The following BRIP1 variants were observed in gnomAD, a reference collection of about 807,000 sequenced individuals.
BRIP1 encodes BRCA1 interacting DNA helicase 1, also known as Fanconi anemia group J protein.
A neutral mutation model predicts 119.7 loss-of-function variants in BRIP1; 88 were observed. That is an observed-to-expected ratio of 0.74 (90% CI 0.62 to 0.88). The LOEUF is 0.88. Ranked by LOEUF, BRIP1 falls within the 40% of genes least tolerant of loss-of-function variation. The pLI is 0.00. For missense variants in BRIP1, 1,259 were observed against 1,455.4 expected (o/e 0.87, Z 2.20); for synonymous variants, 443 against 496.5 (o/e 0.89, Z 1.43).
Position 61,783,367 on chromosome 17 carries a change from T to C in BRIP1, c.1628+903A>G, listed in dbSNP as rs189601709. On this transcript the variant is annotated intron_variant, in intron 11 of 19. Coordinates refer to ENST00000259008, the MANE Select transcript of BRIP1 (RefSeq NM_032043.3). ...TAGAAAGGACTTCATAAGATGAAAA[T>C]AGAATACAGGTTAGCAGGTGATGAG... is the stretch of plus-strand genomic sequence containing the variant. Among the ~76,000 whole-genome samples, 263 of 152,122 alleles carry C rather than the reference T, an allele frequency of 1.7e-3. 4 individuals are homozygous for C. Among genetic ancestry groups the C allele is most frequent in the Admixed American group, 0.016 (250 of 15,274 alleles).
rs2078007194 is a variant in BRIP1 at position 61,802,245 on chromosome 17, T to C, written c.919-771A>G. Among the ~76,000 whole-genome samples the C allele has an allele frequency of 6.6e-6, 1 of 152,102 alleles. No individual in the cohort carries two copies. The highest frequency in any genetic ancestry group is 6.6e-5 in the Admixed American group (1 of 15,252). The stretch of plus-strand genomic sequence containing the variant: ...GGAGGCTTAGGCAAAAGGACTGTTT[T>C]AGGTGAGGAGTTTGATACCAGCCTG... On this transcript the variant is annotated intron_variant, in intron 7 of 19. Transcript: ENST00000259008. This position sits in a 1 kb window ranked among gnomAD's most constrained non-coding sequence, Gnocchi z 6.0.
At chr17:61,811,760 T>G (rs2078165484) in intron 6 of BRIP1, among the ~76,000 whole-genome samples, 1 of 151,524 alleles carries the variant, frequency 6.6e-6, no homozygotes, top group Non-Finnish European at 1.5e-5. Flanking sequence ...AAGACTAGCC[T>G]GGCCAACATG....
In BRIP1 at chr17:61,760,842, A is replaced by G. The variant is rs1205569009; in HGVS notation, c.2097+15559T>C. On this transcript the variant is annotated intron_variant, in intron 14 of 19. Coordinates refer to ENST00000259008, the MANE Select transcript of BRIP1 (RefSeq NM_032043.3). This position sits in a 1 kb window ranked among gnomAD's most constrained non-coding sequence, Gnocchi z 4.6. ...CCTAACAGTTAAAGAACTAATACCA[A>G]TCATTCTCAAATGCTTTCAAAGAAG... Among the ~76,000 whole-genome samples the G allele has an allele frequency of 6.6e-6, 1 of 152,016 alleles. No individual in the cohort carries two copies. The highest frequency in any genetic ancestry group is 1.5e-5 in the Non-Finnish European group (1 of 67,898).
rs2078338854 is a variant in BRIP1 at position 61,822,346 on chromosome 17, G to A, written c.628-13589C>T. Reference sequence around the variant, plus strand: ...ACACAGAAAAGAAAACAATATACAGGGTAGAGATACTACCAAAAGGAGAAG... The same window carrying A: ...ACACAGAAAAGAAAACAATATACAGAGTAGAGATACTACCAAAAGGAGAAG... On this transcript the variant is annotated intron_variant, in intron 6 of 19. Coordinates refer to ENST00000259008, the MANE Select transcript of BRIP1 (RefSeq NM_032043.3). The surrounding 1 kb of genome is among the most constrained non-coding windows in gnomAD (Gnocchi z 4.4). Among the ~76,000 whole-genome samples, 1 of 151,934 alleles carries A rather than the reference G, an allele frequency of 6.6e-6. No individual in the cohort carries two copies. The highest frequency in any genetic ancestry group is 6.6e-5 in the Admixed American group (1 of 15,248).
chr17:61,683,492 A>C lies in BRIP1; in HGVS notation c.3554T>G (p.Val1185Gly), dbSNP rs2144072055. The stretch of plus-strand genomic sequence containing the variant: ...TGTATCTATGCAATCCTCAGCTTTC[A>C]CTTCTCTGGCTGAATCTACTTCTTT... ...TIKEVDSARE[V>G]KAEDCIDTKL... The change falls in exon 20 of 20, where the codon GTG (valine) becomes GGG (glycine). Residue 1185 changes from valine to glycine, a missense_variant. By Grantham distance (109) the Val-to-Gly change is moderately radical. Coordinates refer to ENST00000259008, the MANE Select transcript of BRIP1 (RefSeq NM_032043.3). The surrounding 1 kb of genome is among the most constrained non-coding windows in gnomAD (Gnocchi z 4.7). 1 of 1,613,550 alleles carries C rather than the reference A, an allele frequency of 6.2e-7. No homozygotes were observed. Among genetic ancestry groups the C allele is most frequent in the Non-Finnish European group, 8.5e-7 (1 of 1,179,802 alleles).
chr17:61,682,313 CT>C lies in BRIP1; in HGVS notation c.*982del, dbSNP rs2061280611. 5.0e-6 allele frequency: 1 copy of C among 200,930 alleles called. No homozygotes were observed. The highest frequency in any genetic ancestry group is 2.3e-5 in the African/African-American group (1 of 43,544). 12.4% of individuals were successfully genotyped at this position (200,930 alleles called of 1,614,324 possible). A position where few individuals can be genotyped will look rare whatever the true frequency, so the allele number is the denominator to read the frequency against. On this transcript the variant is annotated 3_prime_UTR_variant, in exon 20 of 20. Transcript: ENST00000259008. The surrounding 1 kb of genome is among the most constrained non-coding windows in gnomAD (Gnocchi z 4.9). Reference sequence around the variant, plus strand: ...CTAGTCTAGTGTTTGGTACTTATTACTCACTGATCCACTAGGAAAAATATAT... The same window carrying C: ...CTAGTCTAGTGTTTGGTACTTATTACCACTGATCCACTAGGAAAAATATAT...
intron 16 of BRIP1, among the ~76,000 whole-genome samples, chr17:61,721,851 C>T (rs2061983720): frequency 6.6e-6 from 1 of 151,536 alleles, no homozygotes; most frequent in Non-Finnish European, 1.5e-5. Context: ...GTGCACGCCA[C>T]CATGCCCAGC....
intron 14 of BRIP1, among the ~76,000 whole-genome samples, chr17:61,749,956 G>A (rs926354315): frequency 2.6e-5 from 4 of 152,144 alleles, no homozygotes; most frequent in African/African-American, 9.7e-5. Context: ...CTTTAGGAAA[G>A]ATCACGTCTG....
At position 61,823,008 on chromosome 17, in the gene BRIP1, C is replaced by T. The variant is rs1186348586; in HGVS notation, c.628-14251G>A. 3.3e-5 allele frequency among the ~76,000 whole-genome samples: 5 copies of T among 152,206 alleles called. No homozygotes were observed. Among genetic ancestry groups the T allele is most frequent in the African/African-American group, 1.2e-4 (5 of 41,460 alleles). ...CTCCTACTCCAGATTCACTGAGTAA[C>T]AAGGAGAATCTGACATTTTTACTGC... On this transcript the variant is annotated intron_variant, in intron 6 of 19. Transcript: ENST00000259008. The surrounding 1 kb of genome is among the most constrained non-coding windows in gnomAD (Gnocchi z 4.8).
In BRIP1 at chr17:61,704,811, C is replaced by T. The variant is rs1017176330; in HGVS notation, c.2492+11140G>A. ...AATGCCTGTGGAGTCTGTAGTTATA[C>T]TATTAATACCTCTTTTATTCCTGAT... On this transcript the variant is annotated intron_variant, in intron 17 of 19. Transcript: ENST00000259008. This position sits in a 1 kb window ranked among gnomAD's most constrained non-coding sequence, Gnocchi z 5.7. Among the ~76,000 whole-genome samples the T allele has an allele frequency of 3.9e-5, 6 of 152,014 alleles. No individual in the cohort carries two copies. The highest frequency in any genetic ancestry group is 3.3e-4 in the Admixed American group (5 of 15,264).
Position 61,840,371 on chromosome 17 carries a change from A to AAG in BRIP1, c.627+6729_627+6730insCT, listed in dbSNP as rs1555614366. ...ACTCCGTCTCAAAAAAAAAAAAAAAAAAAAGAAAAGGAATTTTCTACTAAA... is the reference window on the plus strand; with the variant it reads ...ACTCCGTCTCAAAAAAAAAAAAAAAAAGAAAAGAAAAGGAATTTTCTACTAAA... On this transcript the variant is annotated intron_variant, in intron 6 of 19. Coordinates refer to ENST00000259008, the MANE Select transcript of BRIP1 (RefSeq NM_032043.3). Among the ~76,000 whole-genome samples the AAG allele has an allele frequency of 1.1e-4, 17 of 151,740 alleles. 1 individual carries two copies. Among genetic ancestry groups the AAG allele is most frequent in the South Asian group, 4.2e-4 (2 of 4,812 alleles).
rs2078054563 is a variant in BRIP1 at position 61,805,034 on chromosome 17, ATAAAT to A, written c.918+3428_918+3432del. Among the ~76,000 whole-genome samples, 1 of 151,340 alleles carries A rather than the reference ATAAAT, an allele frequency of 6.6e-6. No individual in the cohort carries two copies. Among genetic ancestry groups the A allele is most frequent in the Admixed American group, 6.6e-5 (1 of 15,178 alleles). On this transcript the variant is annotated intron_variant, in intron 7 of 19. Coordinates refer to ENST00000259008, the MANE Select transcript of BRIP1 (RefSeq NM_032043.3). The surrounding 1 kb of genome is among the most constrained non-coding windows in gnomAD (Gnocchi z 5.6). ...AATTGTATTTGTATACGTCTGTATA[ATAAAT>A]TAAATTGTATATATATACACACACA...
rs1031066675 is a variant in BRIP1 at position 61,724,931 on chromosome 17, G to C, written c.2380-8868C>G. On this transcript the variant is annotated intron_variant, in intron 16 of 19. Transcript: ENST00000259008. This position sits in a 1 kb window ranked among gnomAD's most constrained non-coding sequence, Gnocchi z 5.1. The stretch of plus-strand genomic sequence containing the variant: ...TGGAAGACAGAGACTGTGCATTAGA[G>C]ACATTTGCTGCTCCGTATCATCATA... Among the ~76,000 whole-genome samples, 6 of 152,286 alleles carry C rather than the reference G, an allele frequency of 3.9e-5. No homozygotes were observed. The highest frequency in any genetic ancestry group is 1.2e-4 in the African/African-American group (5 of 41,554).
rs1305300437 is a variant in BRIP1, at chr17:61,730,006, G to A, written c.2379+13007C>T. Among the ~76,000 whole-genome samples, 1 of 152,214 alleles carries A rather than the reference G, an allele frequency of 6.6e-6. No homozygotes were observed. The highest frequency in any genetic ancestry group is 1.9e-4 in the East Asian group (1 of 5,194). On this transcript the variant is annotated intron_variant, in intron 16 of 19. Transcript: ENST00000259008. This position sits in a 1 kb window ranked among gnomAD's most constrained non-coding sequence, Gnocchi z 4.3. ...AATAGTGCCAAGTTTGAGAAACACA[G>A]CTTGAAAGTAATTTCAAGTCACAAA... is the stretch of plus-strand genomic sequence containing the variant.
chr17:61,784,252 C>G lies in BRIP1; in HGVS notation c.1628+18G>C, dbSNP rs1005163267. ...GCTATTTTTAAAAGGAAAATACATA[C>G]TAGTTATCTTCACTTACCTGCTATT... On this transcript the variant is annotated intron_variant, in intron 11 of 19. Transcript: ENST00000259008. The G allele has an allele frequency of 3.7e-6, 6 of 1,604,132 alleles. No individual in the cohort carries two copies. Among genetic ancestry groups the G allele is most frequent in the Non-Finnish European group, 5.1e-6 (6 of 1,172,192 alleles).
intron 16 of BRIP1, among the ~76,000 whole-genome samples, chr17:61,721,331 G>A (rs181599151): frequency 2.9e-5 from 4 of 139,896 alleles, no homozygotes; most frequent in East Asian, 4.5e-4. Context: ...GTGCAGTGGC[G>A]CGATCTTGGC....
At position 61,752,184 on chromosome 17, in the gene BRIP1, A is replaced by G. The variant is rs1312551971; in HGVS notation, c.2098-7593T>C. Among the ~76,000 whole-genome samples the G allele has an allele frequency of 6.6e-6, 1 of 152,206 alleles. No homozygotes were observed. Among genetic ancestry groups the G allele is most frequent in the Non-Finnish European group, 1.5e-5 (1 of 68,030 alleles). ...ATATTAGTTTTGTAGACTTATATACACACATATTTCACAAATATAAAATAT... is the reference window on the plus strand; with the variant it reads ...ATATTAGTTTTGTAGACTTATATACGCACATATTTCACAAATATAAAATAT... On this transcript the variant is annotated intron_variant, in intron 14 of 19. Transcript: ENST00000259008. This position sits in a 1 kb window ranked among gnomAD's most constrained non-coding sequence, Gnocchi z 6.2.
chr17:61,695,762 A>AT lies in BRIP1; in HGVS notation c.2493-2251dup, dbSNP rs2061511268. On this transcript the variant is annotated intron_variant, in intron 17 of 19. Transcript: ENST00000259008. This position sits in a 1 kb window ranked among gnomAD's most constrained non-coding sequence, Gnocchi z 4.3. ...ATTTTAAATGGTATTTTTTAAGTTC[A>AT]TTTTTAGATTTTTGGCTGCTAGTGA... Among the ~76,000 whole-genome samples the AT allele has an allele frequency of 1.3e-5, 2 of 151,932 alleles. No individual in the cohort carries two copies. The highest frequency in any genetic ancestry group is 2.4e-5 in the African/African-American group (1 of 41,368).
rs1313495925 is a variant in BRIP1 at position 61,796,447 on chromosome 17, G to A, written c.1340+2653C>T. On this transcript the variant is annotated intron_variant, in intron 9 of 19. Coordinates refer to ENST00000259008, the MANE Select transcript of BRIP1 (RefSeq NM_032043.3). This position sits in a 1 kb window ranked among gnomAD's most constrained non-coding sequence, Gnocchi z 4.8. ...GATTTTTGTTAATGGTGAAAGATAG[G>A]GGTCTTGTTTTATTCTCCTGTAGAT... 1.3e-5 allele frequency among the ~76,000 whole-genome samples: 2 copies of A among 151,962 alleles called. No individual in the cohort carries two copies. Among genetic ancestry groups the A allele is most frequent in the Non-Finnish European group, 2.9e-5 (2 of 67,934 alleles).
Sources: allele counts gnomAD v4.1 joint callset (sites outside exome capture counted in the v4.1 genomes callset), GRCh38; gene constraint gnomAD v4.1.1; non-coding constraint Gnocchi (gnomAD v3.1); transcripts MANE v1.5; gene names NCBI Gene and HGNC (gene_info 2026-07-23, HGNC 2026-07-21).